Variants in RANBP2 observed in about 807,000 individuals in gnomAD.
The protein encoded by RANBP2 is E3 SUMO-protein ligase RanBP2.
In RANBP2, 57 loss-of-function variants were observed where a neutral mutation model predicts 303.6. The ratio of observed to expected loss-of-function variants is 0.19; its 90% CI spans 0.15 to 0.23. The LOEUF (loss-of-function observed/expected upper bound fraction) is 0.23. RANBP2 is among the 10% of genes least tolerant of loss of function. The pLI is 1.00. For missense variants in RANBP2, 3,138 were observed against 3,780.8 expected, an observed-to-expected ratio of 0.83 and a Z score of 4.46; for synonymous variants, 1,167 against 1,301.5, an observed-to-expected ratio of 0.90 and a Z score of 2.23.
chr2:108,758,126 A>G (rs1241258912), intron 17 of RANBP2, among the ~76,000 whole-genome samples: 1 of 151,980 alleles, frequency 6.6e-6, no homozygotes, highest in African/African-American at 2.4e-5. Context: ...GTGAAACCCC[A>G]TCTCTACTAT....
chr2:109,280,254 C>G, the RANBP2 span, among the ~76,000 whole-genome samples: 1 of 152,180 alleles, frequency 6.6e-6, no homozygotes, highest in African/African-American at 2.4e-5. Context: ...CAGGACCTAG[C>G]GTGTTGGCAC....
chr2:109,593,004 G>A, the RANBP2 span: 187 of 1,281,496 alleles, frequency 1.5e-4, no homozygotes, highest in Middle Eastern at 1.9e-4. Flanking sequence ...TAAAATCATA[G>A]AAGCATTTAG....
the RANBP2 span, among the ~76,000 whole-genome samples, chr2:108,979,483 A>T: frequency 2.0e-5 from 3 of 151,498 alleles, no homozygotes; most frequent in South Asian, 4.2e-4. Context: ...ACACACACAC[A>T]CACACACACA....
At chr2:108,972,186 G>A in the RANBP2 span, among the ~76,000 whole-genome samples, 4 of 152,242 alleles carry the variant, frequency 2.6e-5, no homozygotes, top group African/African-American at 9.6e-5. Context: ...AGTTACATTT[G>A]GGAGTCATTT....
At chr2:108,935,746 T>C in the RANBP2 span, among the ~76,000 whole-genome samples, 1 of 152,212 alleles carries the variant, frequency 6.6e-6, no homozygotes, top group East Asian at 1.9e-4. Context: ...GCTGCTACTA[T>C]GTGGCAATCT....
chr2:109,197,534 C>T, the RANBP2 span, among the ~76,000 whole-genome samples: 18 of 152,360 alleles, frequency 1.2e-4, no homozygotes, highest in Non-Finnish European at 7.3e-5. Context: ...CATATTCCCA[C>T]AGCCACCCTT....
chr2:109,174,321 T>C, the RANBP2 span, among the ~76,000 whole-genome samples: 1 of 152,230 alleles, frequency 6.6e-6, no homozygotes, highest in Admixed American at 6.5e-5. Flanking sequence ...AACAGACATG[T>C]GGGGATGCTT....
chr2:109,722,412 C>T, the RANBP2 span, among the ~76,000 whole-genome samples: 4 of 152,330 alleles, frequency 2.6e-5, no homozygotes, highest in Admixed American at 2.6e-4. Flanking sequence ...TAGTGTTTGT[C>T]AAACCCTCTC....
At chr2:109,615,641 G>T in the RANBP2 span, 2 of 1,613,818 alleles carry the variant, frequency 1.2e-6, no homozygotes, top group Non-Finnish European at 1.7e-6. Context: ...ACCTGAGTCG[G>T]AGCATCGCCG....
chr2:109,304,429 T>G, the RANBP2 span, among the ~76,000 whole-genome samples: 3 of 152,146 alleles, frequency 2.0e-5, no homozygotes, highest in African/African-American at 7.2e-5. Context: ...TTCCTTCTTT[T>G]TTAAGGCTGA....
At chr2:109,305,267 A>G in the RANBP2 span, among the ~76,000 whole-genome samples, 1 of 152,238 alleles carries the variant, frequency 6.6e-6, no homozygotes, top group East Asian at 1.9e-4. Flanking sequence ...TCAGTGATTC[A>G]TTCCAGACTG....
chr2:109,094,917 G>T, the RANBP2 span, among the ~76,000 whole-genome samples: 1 of 152,130 alleles, frequency 6.6e-6, no homozygotes, highest in African/African-American at 2.4e-5. Flanking sequence ...CAGAAAAATA[G>T]AAATTTAATG....
At chr2:109,543,220 A>G in the RANBP2 span, 5 of 152,750 alleles carry the variant, frequency 3.3e-5, no homozygotes, top group Non-Finnish European at 7.4e-5. Context: ...AAGTATTTTT[A>G]ATAAAATGAT....
At chr2:108,893,441 A>G in the RANBP2 span, among the ~76,000 whole-genome samples, 7 of 152,168 alleles carry the variant, frequency 4.6e-5, no homozygotes, top group Admixed American at 3.3e-4. Context: ...AATCCCTCCA[A>G]TGTGAGACCA....
At chr2:109,693,481 TTGAA>T in the RANBP2 span, among the ~76,000 whole-genome samples, 12 of 152,296 alleles carry the variant, frequency 7.9e-5, no homozygotes, top group East Asian at 2.3e-3. Context: ...TGGCAGATAA[TTGAA>T]TCATGGGGTG....
chr2:109,709,916 C>G, the RANBP2 span, among the ~76,000 whole-genome samples: 1 of 151,806 alleles, frequency 6.6e-6, no homozygotes, highest in Admixed American at 6.6e-5. Context: ...GGTGAAACCC[C>G]ATCTCTATTA....
chr2:109,629,333 ATATATATATATATATATATATATTTTT>A, the RANBP2 span, among the ~76,000 whole-genome samples: 175 of 10,586 alleles, frequency 0.017, 6 homozygotes, highest in Admixed American at 0.03. Flanking sequence ...ATATATATAT[ATATATATATATATATATATATATTTTT>A]TTTTTTTTTT....
the RANBP2 span, among the ~76,000 whole-genome samples, chr2:109,382,462 T>C: frequency 7.6e-3 from 1,163 of 152,248 alleles, 15 homozygotes; most frequent in African/African-American, 0.027. Flanking sequence ...CCCGACGTGG[T>C]TGGCCTTTCC....
At chr2:109,353,071 G>T in the RANBP2 span, among the ~76,000 whole-genome samples, 1 of 152,194 alleles carries the variant, frequency 6.6e-6, no homozygotes, top group African/African-American at 2.4e-5. Context: ...TCTCAAATCT[G>T]TGCCACATGG....
Sources: allele counts gnomAD v4.1 joint callset (sites outside exome capture counted in the v4.1 genomes callset), GRCh38; gene constraint gnomAD v4.1.1; transcripts MANE v1.5; gene names NCBI Gene and HGNC (gene_info 2026-07-23, HGNC 2026-07-21).